Variants in NR2E1 observed in about 807,000 individuals in gnomAD.
The protein encoded by NR2E1 is nuclear receptor TLX.
In NR2E1, 5 loss-of-function variants were observed where a neutral mutation model predicts 43.6. That is an observed-to-expected ratio of 0.11 (90% CI 0.06 to 0.24). The LOEUF is 0.24. NR2E1 is among the 10% of genes least tolerant of loss of function. The pLI is 1.00. For missense variants in NR2E1, 287 were observed against 496.7 expected, an observed-to-expected ratio of 0.58 and a Z score of 4.01; for synonymous variants, 191 against 195.5, an observed-to-expected ratio of 0.98 and a Z score of 0.19.
chr6:108,168,219 G>A, intron 1 of NR2E1: 1 of 1,493,622 alleles, frequency 6.7e-7, no homozygotes, highest in South Asian at 1.3e-5. Flanking sequence ...TCCTTCCCAG[G>A]AGGCTCAGGA....
intron 8 of NR2E1, among the ~76,000 whole-genome samples, chr6:108,182,457 T>C (rs537362959): frequency 6.6e-6 from 1 of 151,682 alleles, no homozygotes; most frequent in South Asian, 2.1e-4. Context: ...CATGTGAGCA[T>C]GGCTCACTGC....
intron 8 of NR2E1, among the ~76,000 whole-genome samples, chr6:108,185,451 C>T (rs567770219): frequency 3.4e-4 from 51 of 151,836 alleles, no homozygotes; most frequent in Admixed American, 1.2e-3. Context: ...GTTTTGGATG[C>T]CCAGGCTGCA....
rs772728110 is a variant in NR2E1, at chr6:108,180,955, C to T, written c.888C>T (p.Ala296=). ...ACLKCIVTFK[A]VPTHSGSELR... is the part of the protein sequence containing the mutation. Reference sequence around the variant, plus strand: ...TAAAATGCATCGTCACTTTCAAAGCCGGTAAGCAGACACAGACCCCTGTTT... The same window carrying T: ...TAAAATGCATCGTCACTTTCAAAGCTGGTAAGCAGACACAGACCCCTGTTT... The change falls in exon 7 of 9, where the codon GCC becomes GCT. Residue 296 remains alanine, a splice_region_variant and synonymous_variant. Coordinates refer to ENST00000368986, the MANE Select transcript of NR2E1 (RefSeq NM_003269.5). This position sits in a 1 kb window ranked among gnomAD's most constrained non-coding sequence, Gnocchi z 5.4. 21 of 1,613,976 alleles carry T rather than the reference C, an allele frequency of 1.3e-5. No individual in the cohort carries two copies. In the East Asian group the frequency reaches 1.3e-4, roughly 10 times the overall value.
chr6:108,181,691 G>A, intron 8 of NR2E1, 40 bp downstream of exon 8: 1 of 1,514,676 alleles, frequency 6.6e-7, no homozygotes, highest in South Asian at 1.1e-5. Flanking sequence ...TAAGAAAATT[G>A]CCTCCATTGT....
rs1163960231 is a variant in NR2E1, at chr6:108,169,843, G to C, written c.26-1615G>C. On this transcript the variant is annotated intron_variant, in intron 1 of 8. Transcript: ENST00000368986. This position sits in a 1 kb window ranked among gnomAD's most constrained non-coding sequence, Gnocchi z 6.1. ...GCCTCCCCTGCCCGCCTTTGTCGCC[G>C]TCCGAATTCCCATGCTACTCTTTTT... Among the ~76,000 whole-genome samples the C allele has an allele frequency of 6.6e-6, 1 of 152,044 alleles. No homozygotes were observed. Among genetic ancestry groups the C allele is most frequent in the Non-Finnish European group, 1.5e-5 (1 of 68,006 alleles).
At chr6:108,182,039 C>T (rs1453052278) in intron 8 of NR2E1, among the ~76,000 whole-genome samples, 1 of 152,000 alleles carries the variant, frequency 6.6e-6, no homozygotes, top group African/African-American at 2.4e-5. Flanking sequence ...AGATCGAGAC[C>T]ATCCTGGCTA....
At chr6:108,167,077 G>T (rs1773721954) in intron 1 of NR2E1, among the ~76,000 whole-genome samples, 2 of 152,122 alleles carry the variant, frequency 1.3e-5, no homozygotes, top group Admixed American at 1.3e-4. Context: ...CCATTTAGCC[G>T]CCAGGTGCTG....
intron 1 of NR2E1, among the ~76,000 whole-genome samples, chr6:108,168,356 C>A (rs538940648): frequency 2.0e-5 from 3 of 152,342 alleles, no homozygotes; most frequent in South Asian, 4.1e-4. Context: ...GAGCCCCGGG[C>A]TCTTTCGTCC....
At chr6:108,171,886 G>A (rs1022459161) in intron 2 of NR2E1, among the ~76,000 whole-genome samples, 1 of 152,142 alleles carries the variant, frequency 6.6e-6, no homozygotes, top group African/African-American at 2.4e-5. Context: ...TTGACACTGG[G>A]TAAGGCCCAC....
At chr6:108,168,978 G>C (rs957560776) in intron 1 of NR2E1, 3 of 152,276 alleles carry the variant, frequency 2.0e-5, no homozygotes, top group Non-Finnish European at 4.4e-5. Context: ...CACACAAAAA[G>C]CCCCGAGGGG....
intron 3 of NR2E1, 72 bp from the exon 4 acceptor site, chr6:108,176,431 G>A (rs998805093): frequency 1.3e-6 from 2 of 1,485,050 alleles, no homozygotes; most frequent in South Asian, 1.2e-5. Context: ...GGCGGGGCTG[G>A]GGGGAGAGCC....
At chr6:108,170,790 C>T (rs938287488) in intron 1 of NR2E1, among the ~76,000 whole-genome samples, 1 of 152,132 alleles carries the variant, frequency 6.6e-6, no homozygotes, top group Non-Finnish European at 1.5e-5. Context: ...TAGTCCCGAA[C>T]CACTTTGCGG....
rs1238575721 is a variant in NR2E1 at position 108,187,629 on chromosome 6, G to C, written c.*166G>C. 1 of 738,762 alleles carries C rather than the reference G, an allele frequency of 1.4e-6. No individual in the cohort carries two copies. The highest frequency in any genetic ancestry group is 2.8e-5 in the East Asian group (1 of 35,992). The allele number at this position is 738,762 out of a possible 1,614,324, so 45.8% of individuals were successfully genotyped here. A position where few individuals can be genotyped will look rare whatever the true frequency, so the allele number is the denominator to read the frequency against. ...CAAAGCATTCCAGTAGCTATGACCT[G>C]CCGCCCTGACCAGGATAGGGCGGGT... is the stretch of plus-strand genomic sequence containing the variant. On this transcript the variant is annotated 3_prime_UTR_variant, in exon 9 of 9. Transcript: ENST00000368986.
chr6:108,177,522 A>C (rs1431426742), intron 4 of NR2E1, among the ~76,000 whole-genome samples: 2 of 152,258 alleles, frequency 1.3e-5, no homozygotes, highest in Non-Finnish European at 2.9e-5. Context: ...ACCTGGGCAC[A>C]TGCACACGCA....
In NR2E1 at chr6:108,187,290, T is replaced by G; in HGVS notation, c.996-11T>G. 6.2e-7 allele frequency: 1 copy of G among 1,614,232 alleles called. No homozygotes were observed. Among genetic ancestry groups the G allele is most frequent in the Non-Finnish European group, 8.5e-7 (1 of 1,180,034 alleles). On this transcript the variant is annotated splice_polypyrimidine_tract_variant and intron_variant, in intron 8 of 8. Coordinates refer to ENST00000368986, the MANE Select transcript of NR2E1 (RefSeq NM_003269.5). ...CCTCTGACCTTGTTTTCATGGCTTC[T>G]CACATTCCAGATATCCCACTCAACC...
chr6:108,171,636 G>A (rs557925965), intron 2 of NR2E1, 33 bp downstream of exon 2: 1 of 1,613,090 alleles, frequency 6.2e-7, no homozygotes, highest in Non-Finnish European at 8.5e-7. Context: ...GCTGGGCTCC[G>A]CTCTGCTGCC....
intron 3 of NR2E1, 76 bp downstream of exon 3, chr6:108,174,999 C>A: frequency 7.5e-7 from 1 of 1,341,590 alleles, no homozygotes; most frequent in East Asian, 2.3e-5. Flanking sequence ...ACATGGCACT[C>A]CTATGCATGT....
At chr6:108,185,864 C>T (rs934895185) in intron 8 of NR2E1, among the ~76,000 whole-genome samples, 1 of 152,152 alleles carries the variant, frequency 6.6e-6, no homozygotes, top group Admixed American at 6.5e-5. Context: ...ATAGATTCCC[C>T]CAAATTCATC....
chr6:108,166,852 G>A lies in NR2E1; in HGVS notation c.25+62G>A. The A allele has an allele frequency of 2.0e-6, 3 of 1,506,442 alleles. No homozygotes were observed. The South Asian group carries it at 3.6e-5, about 18-fold the overall frequency. 93.3% of individuals were successfully genotyped at this position (1,506,442 alleles called of 1,614,324 possible). ...GCAGCCTGGGGCGAGCGAGCGGGGA[G>A]GCTGGGGGAGGTCCTGCCTGGAGCG... On this transcript the variant is annotated intron_variant, in intron 1 of 8. Coordinates refer to ENST00000368986, the MANE Select transcript of NR2E1 (RefSeq NM_003269.5). This position sits in a 1 kb window ranked among gnomAD's most constrained non-coding sequence, Gnocchi z 7.2.
Sources: allele counts gnomAD v4.1 joint callset (sites outside exome capture counted in the v4.1 genomes callset), GRCh38; gene constraint gnomAD v4.1.1; non-coding constraint Gnocchi (gnomAD v3.1); transcripts MANE v1.5; gene names NCBI Gene and HGNC (gene_info 2026-07-23, HGNC 2026-07-21).